The following KCNK17 variants were observed in gnomAD, a reference collection of about 807,000 sequenced individuals.
KCNK17 encodes potassium two pore domain channel subfamily K member 17, also known as potassium channel subfamily K member 17.
In KCNK17, 27 loss-of-function variants were observed where a neutral mutation model predicts 24.6. That is an observed-to-expected ratio of 1.10 (90% CI 0.81 to 1.51). The LOEUF is 1.51. Among genes scored for constraint, KCNK17 ranks in the 40% most tolerant of loss-of-function variants. The probability of loss-of-function intolerance (pLI) is 0.00; values close to 1 mark genes in which losing one functional copy is unlikely to be tolerated. For synonymous variants in KCNK17, 181 were observed against 189.8 expected, an observed-to-expected ratio of 0.95 and a Z score of 0.38; for missense variants, 450 against 436.6, an observed-to-expected ratio of 1.03 and a Z score of -0.27.
At chr6:39,308,062 A>C (rs59133600) in intron 2 of KCNK17, among the ~76,000 whole-genome samples, 13,028 of 152,174 alleles carry the variant, frequency 0.086, 787 homozygotes, top group African/African-American at 0.18. Context: ...AGGTGCCCCC[A>C]TCACTATGAG....
rs939007382 is a variant in KCNK17, at chr6:39,310,969, G to A, written c.276C>T (p.Leu92=). 3.7e-6 allele frequency: 6 copies of A among 1,608,620 alleles called. No homozygotes were observed. In the African/African-American group the frequency reaches 5.4e-5, roughly 14 times the overall value. The stretch of plus-strand genomic sequence containing the variant: ...AGCGCCCCATGCTGGTGGTGTTGCT[G>A]AGGAGGCTGGCTCCGTTTTTGTATG... ...VQAYKNGASL[L]SNTTSMGRWE... is the part of the protein sequence containing the mutation. Residue 92 remains leucine, a synonymous_variant, in exon 2 of 5, where the codon CTC becomes CTT. Coordinates refer to ENST00000373231, the MANE Select transcript of KCNK17 (RefSeq NM_031460.4).
Position 39,314,291 on chromosome 6 carries a change from G to A in KCNK17, c.30C>T (p.Pro10=), listed in dbSNP as rs371385851. 6.8e-7 allele frequency: 1 copy of A among 1,470,680 alleles called. No homozygotes were observed. Among genetic ancestry groups the A allele is most frequent in the Non-Finnish European group, 9.0e-7 (1 of 1,114,766 alleles). 91.1% of individuals were successfully genotyped at this position (1,470,680 alleles called of 1,614,324 possible). A position where few individuals can be genotyped will look rare whatever the true frequency, so the allele number is the denominator to read the frequency against. ...CCGCGCAGCCCCGGACCCTGCCCTC[G>A]GGAGCCGCCCGGGCTCGCGGTCGGT... MYRPRARAA[P]EGRVRGCAVP... is the part of the protein sequence containing the mutation. The change falls in exon 1 of 5, where the codon CCC becomes CCT. Residue 10 remains proline, a synonymous_variant. Transcript: ENST00000373231.
chr6:39,301,257 A>G (rs1211539598), intron 4 of KCNK17, among the ~76,000 whole-genome samples: 2 of 152,114 alleles, frequency 1.3e-5, no homozygotes, highest in African/African-American at 2.4e-5. Flanking sequence ...TCAGATTGGA[A>G]TCATTCAAAG....
In KCNK17 at chr6:39,299,335, G is replaced by T; in HGVS notation, c.*92C>A. ...GCTGCACCCAGCCTCTAGGGTGGAT[G>T]GAAAATGTAGTCTTTAGTTTGGGTG... On this transcript the variant is annotated 3_prime_UTR_variant, in exon 5 of 5. Coordinates refer to ENST00000373231, the MANE Select transcript of KCNK17 (RefSeq NM_031460.4). 1.0e-6 allele frequency: 1 copy of T among 976,396 alleles called. No homozygotes were observed. The highest frequency in any genetic ancestry group is 1.6e-5 in the South Asian group (1 of 60,720). 60.5% of individuals were successfully genotyped at this position (976,396 alleles called of 1,614,324 possible).
At chr6:39,300,387 G>A (rs990699109) in intron 4 of KCNK17, 2 of 1,144,508 alleles carry the variant, frequency 1.7e-6, no homozygotes, top group African/African-American at 1.5e-5. Flanking sequence ...GCCTCCCAAA[G>A]TGTTAGAATT....
intron 2 of KCNK17, among the ~76,000 whole-genome samples, chr6:39,305,785 T>A (rs921899756): frequency 1.3e-5 from 2 of 152,310 alleles, no homozygotes; most frequent in South Asian, 4.1e-4. Context: ...GCCACATTGC[T>A]GGCCTGCAGA....
intron 1 of KCNK17, among the ~76,000 whole-genome samples, chr6:39,311,322 AC>A (rs1762136151): frequency 6.6e-6 from 1 of 151,692 alleles, no homozygotes; most frequent in African/African-American, 2.4e-5. Flanking sequence ...TCCCCTGCTC[AC>A]TCCCATTCCT....
In KCNK17 at chr6:39,310,933, C is replaced by G. The variant is rs1275989400; in HGVS notation, c.312G>C (p.Val104=). Residue 104 remains valine, a synonymous_variant, in exon 2 of 5, where the codon GTG becomes GTC. Coordinates refer to ENST00000373231, the MANE Select transcript of KCNK17 (RefSeq NM_031460.4). Reference sequence around the variant, plus strand: ...TGGACACAGAAAAGAAGAAGGAGCCCACGAGCTCCCAGCGCCCCATGCTGG... The same window carrying G: ...TGGACACAGAAAAGAAGAAGGAGCCGACGAGCTCCCAGCGCCCCATGCTGG... The part of the protein sequence containing the change: ...NTTSMGRWEL[V]GSFFFSVSTI... 6.2e-7 allele frequency: 1 copy of G among 1,608,618 alleles called. No homozygotes were observed. The highest frequency in any genetic ancestry group is 1.7e-5 in the Admixed American group (1 of 59,778).
intron 1 of KCNK17, among the ~76,000 whole-genome samples, chr6:39,312,201 G>A (rs557155636): frequency 1.3e-5 from 2 of 152,308 alleles, no homozygotes; most frequent in South Asian, 2.1e-4. Flanking sequence ...GCAGACAATC[G>A]AGATTTAGGA....
intron 4 of KCNK17, among the ~76,000 whole-genome samples, chr6:39,300,913 C>T (rs1271638713): frequency 6.6e-6 from 1 of 152,214 alleles, no homozygotes. Context: ...GTTACACGTG[C>T]TGCTTTCATG....
rs773603729 is a variant in KCNK17, at chr6:39,314,081, G to A, written c.237+3C>T. ...GCCCAGGCCGACGCCGCTCGCCCCT[G>A]ACCCGGATCAGCGAGTCCAGCGCCG... On this transcript the variant is annotated splice_donor_region_variant and intron_variant, in intron 1 of 4. Coordinates refer to ENST00000373231, the MANE Select transcript of KCNK17 (RefSeq NM_031460.4). The A allele has an allele frequency of 6.3e-7, 1 of 1,576,650 alleles. No homozygotes were observed. Among genetic ancestry groups the A allele is most frequent in the Non-Finnish European group, 8.6e-7 (1 of 1,162,490 alleles).
At chr6:39,302,859 A>G (rs917090406) in intron 4 of KCNK17, among the ~76,000 whole-genome samples, 1 of 152,142 alleles carries the variant, frequency 6.6e-6, no homozygotes, top group Admixed American at 6.5e-5. Flanking sequence ...TGAGGCCCCA[A>G]CACCTGACCC....
intron 2 of KCNK17, among the ~76,000 whole-genome samples, chr6:39,309,992 A>T (rs1251692488): frequency 6.6e-6 from 1 of 152,128 alleles, no homozygotes; most frequent in Non-Finnish European, 1.5e-5. Context: ...TAGATGGAGA[A>T]TCCTCTGGGT....
rs1198177611 is a variant in KCNK17 at position 39,314,064 on chromosome 6, C to T, written c.237+20G>A. Reference sequence around the variant, plus strand: ...CTACCCCATCCCGCCGCGCCCAGGCCGACGCCGCTCGCCCCTGACCCGGAT... The same window carrying T: ...CTACCCCATCCCGCCGCGCCCAGGCTGACGCCGCTCGCCCCTGACCCGGAT... On this transcript the variant is annotated intron_variant, in intron 1 of 4. Coordinates refer to ENST00000373231, the MANE Select transcript of KCNK17 (RefSeq NM_031460.4). 1 of 1,541,680 alleles carries T rather than the reference C, an allele frequency of 6.5e-7. No homozygotes were observed. Among genetic ancestry groups the T allele is most frequent in the Non-Finnish European group, 8.7e-7 (1 of 1,143,684 alleles).
intron 4 of KCNK17, chr6:39,300,532 A>G: frequency 2.6e-6 from 4 of 1,550,900 alleles, no homozygotes; most frequent in Non-Finnish European, 2.6e-6. Flanking sequence ...TGCTGGAGCC[A>G]GGGGATTTGG....
Position 39,299,550 on chromosome 6 carries a change from C to G in KCNK17, c.876G>C (p.Gln292His). The change falls in exon 5 of 5, where the codon CAG (glutamine) becomes CAC (histidine). Residue 292 changes from glutamine to histidine, a missense_variant. Transcript: ENST00000373231. ...KEDFKSQSWR[Q>H]GPDREPESHS... ...GGGACTCTGGCTCCCGGTCAGGTCC[C>G]TGTCTCCAGCTTTGGGACTTGAAGT... 6.2e-7 allele frequency: 1 copy of G among 1,614,194 alleles called. No individual in the cohort carries two copies. The highest frequency in any genetic ancestry group is 1.1e-5 in the South Asian group (1 of 91,078).
intron 4 of KCNK17, among the ~76,000 whole-genome samples, chr6:39,302,057 T>A (rs532587231): frequency 4.9e-4 from 75 of 152,336 alleles, no homozygotes; most frequent in African/African-American, 1.7e-3. Flanking sequence ...CAGGCCTCAG[T>A]GTCTCCATCT....
intron 2 of KCNK17, 33 bp downstream of exon 2, chr6:39,310,860 A>AACCCCCGG: frequency 1.5e-6 from 1 of 681,830 alleles, no homozygotes; most frequent in Non-Finnish European, 2.4e-6. Context: ...TCCTTCCCCC[A>AACCCCCGG]CCCCCATCCC....
intron 4 of KCNK17, among the ~76,000 whole-genome samples, chr6:39,301,300 C>T (rs181250529): frequency 2.4e-4 from 36 of 152,352 alleles, no homozygotes; most frequent in African/African-American, 8.4e-4. Flanking sequence ...CCTTCGTCAT[C>T]CTTTTCTGTC....
Sources: allele counts gnomAD v4.1 joint callset (sites outside exome capture counted in the v4.1 genomes callset), GRCh38; gene constraint gnomAD v4.1.1; transcripts MANE v1.5; gene names NCBI Gene and HGNC (gene_info 2026-07-23, HGNC 2026-07-21).